TLE4: variants seen among roughly 807,000 people sequenced by gnomAD.
TLE4 encodes the protein TLE family member 4, transcriptional corepressor.
Under a neutral mutation model 92.8 loss-of-function variants are expected in TLE4, and 8 were observed. The ratio of observed to expected loss-of-function variants is 0.09; its 90% CI spans 0.05 to 0.16. TLE4 has a LOEUF of 0.16. Ranked by LOEUF, TLE4 falls within the 10% of genes least tolerant of loss-of-function variation. TLE4 has a pLI of 1.00. For missense variants in TLE4, 675 were observed against 997.6 expected (o/e 0.68, Z 4.36); for synonymous variants, 371 against 374.1 (o/e 0.99, Z 0.10).
At chr9:79,665,074 A>G (rs1437061737) in intron 8 of TLE4, among the ~76,000 whole-genome samples, 1 of 152,210 alleles carries the variant, frequency 6.6e-6, no homozygotes, top group Non-Finnish European at 1.5e-5. Flanking sequence ...ACTGAAAGGT[A>G]TTTAGGTGGG....
intron 4 of TLE4, among the ~76,000 whole-genome samples, chr9:79,611,152 C>T (rs1375845589): frequency 6.6e-6 from 1 of 152,074 alleles, no homozygotes; most frequent in African/African-American, 2.4e-5. Flanking sequence ...CACCCCATAA[C>T]CACTGTGGTA....
At position 79,648,818 on chromosome 9, in the gene TLE4, A is replaced by G. The variant is rs114772217; in HGVS notation, c.391-3775A>G. 2.7e-3 allele frequency among the ~76,000 whole-genome samples: 413 copies of G among 152,320 alleles called. 2 individuals are homozygous for G. The highest frequency in any genetic ancestry group is 9.5e-3 in the African/African-American group (394 of 41,578). On this transcript the variant is annotated intron_variant, in intron 6 of 19. Transcript: ENST00000376552. Reference sequence around the variant, plus strand: ...TGTCACACATTTTCATTTCCAGGTAATGCTGGACTTCCAAGTACAATTGTC... The same window carrying G: ...TGTCACACATTTTCATTTCCAGGTAGTGCTGGACTTCCAAGTACAATTGTC...
chr9:79,649,948 C>G, intron 6 of TLE4: 2 of 1,189,744 alleles, frequency 1.7e-6, no homozygotes, highest in Non-Finnish European at 2.2e-6. Flanking sequence ...CAGGGTTTCA[C>G]TCTGTCACAC....
In TLE4 at chr9:79,630,206, T is replaced by C. The variant is rs1587537756; in HGVS notation, c.390+2758T>C. Among the ~76,000 whole-genome samples the C allele has an allele frequency of 3.3e-5, 5 of 152,308 alleles. No individual in the cohort carries two copies. In the East Asian group the frequency reaches 9.7e-4, roughly 29 times the overall value. Reference sequence around the variant, plus strand: ...GAAGCACCTTTTTAACTCTGCAATATTATTCTACCTTCATTGGTAAATGAG... The same window carrying C: ...GAAGCACCTTTTTAACTCTGCAATACTATTCTACCTTCATTGGTAAATGAG... On this transcript the variant is annotated intron_variant, in intron 6 of 19. Coordinates refer to ENST00000376552, the MANE Select transcript of TLE4 (RefSeq NM_007005.6).
intron 6 of TLE4, among the ~76,000 whole-genome samples, chr9:79,633,770 A>G (rs1306348972): frequency 6.6e-6 from 1 of 152,112 alleles, no homozygotes; most frequent in Non-Finnish European, 1.5e-5. Flanking sequence ...AGCATCACCA[A>G]CTTCCGTATA....
intron 4 of TLE4, among the ~76,000 whole-genome samples, chr9:79,606,638 G>T (rs2047058970): frequency 6.6e-6 from 1 of 151,814 alleles, no homozygotes; most frequent in Admixed American, 6.6e-5. Flanking sequence ...CTGGTTTTCT[G>T]TCCTTGTGAT....
intron 8 of TLE4, among the ~76,000 whole-genome samples, chr9:79,674,201 A>G (rs995842563): frequency 1.3e-5 from 2 of 152,174 alleles, no homozygotes; most frequent in African/African-American, 4.8e-5. Context: ...TGCCCCTGCT[A>G]GCTTTATGAC....
intron 14 of TLE4, among the ~76,000 whole-genome samples, chr9:79,713,060 G>T (rs530050972): frequency 6.6e-6 from 1 of 152,158 alleles, no homozygotes; most frequent in Non-Finnish European, 1.5e-5. Flanking sequence ...ACTTAGAACA[G>T]AATTTTCTAT....
intron 8 of TLE4, among the ~76,000 whole-genome samples, chr9:79,673,690 T>C (rs1437519633): frequency 4.6e-5 from 7 of 152,210 alleles, no homozygotes; most frequent in African/African-American, 1.7e-4. Flanking sequence ...TTTTCTTGCA[T>C]TTAACAGAGT....
intron 14 of TLE4, among the ~76,000 whole-genome samples, chr9:79,712,020 T>C (rs2073420965): frequency 6.6e-6 from 1 of 152,154 alleles, no homozygotes; most frequent in Non-Finnish European, 1.5e-5. Flanking sequence ...GCACAATTTC[T>C]TTGTGAGCTT....
At chr9:79,626,319 C>G (rs1390223187) in intron 5 of TLE4, among the ~76,000 whole-genome samples, 2 of 152,168 alleles carry the variant, frequency 1.3e-5, no homozygotes, top group Admixed American at 1.3e-4. Flanking sequence ...GCTTCATACT[C>G]ATCTCAAATA....
chr9:79,617,657 G>T (rs1012231361), intron 5 of TLE4, among the ~76,000 whole-genome samples: 1 of 152,088 alleles, frequency 6.6e-6, no homozygotes, highest in Non-Finnish European at 1.5e-5. Flanking sequence ...TCAGCCACTT[G>T]CTTTCTTTAA....
At chr9:79,724,796 A>G (rs2076187800) in intron 19 of TLE4, among the ~76,000 whole-genome samples, 1 of 138,196 alleles carries the variant, frequency 7.2e-6, no homozygotes. Flanking sequence ...ACAGTGAGCC[A>G]TGGTCACACC....
chr9:79,624,711 A>G (rs1018890942), intron 5 of TLE4, among the ~76,000 whole-genome samples: 1 of 152,226 alleles, frequency 6.6e-6, no homozygotes. Context: ...CTGCTGCCTA[A>G]GGCATCTTTG....
intron 8 of TLE4, among the ~76,000 whole-genome samples, chr9:79,703,289 C>T (rs977988082): frequency 6.6e-6 from 1 of 152,100 alleles, no homozygotes; most frequent in Non-Finnish European, 1.5e-5. Flanking sequence ...ACTTGGGAGC[C>T]CTGCCCTGGT....
At chr9:79,697,133 A>G (rs1174767737) in intron 8 of TLE4, among the ~76,000 whole-genome samples, 2 of 152,348 alleles carry the variant, frequency 1.3e-5, no homozygotes, top group East Asian at 1.9e-4. Flanking sequence ...TAGAATTTGT[A>G]TTAAGGAGAG....
intron 8 of TLE4, among the ~76,000 whole-genome samples, chr9:79,656,534 T>G (rs1030744250): frequency 6.6e-6 from 1 of 152,186 alleles, no homozygotes; most frequent in Non-Finnish European, 1.5e-5. Context: ...CAAATTTAAA[T>G]TAATGGTGCC....
At chr9:79,709,756 C>T in intron 14 of TLE4, 57 bp downstream of exon 14, 5 of 1,490,968 alleles carry the variant, frequency 3.4e-6, no homozygotes, top group Non-Finnish European at 4.7e-6. Flanking sequence ...CCCTTGCTGG[C>T]CCCGTAGACT....
intron 8 of TLE4, among the ~76,000 whole-genome samples, chr9:79,680,776 CTT>C (rs1564867399): frequency 1.3e-5 from 2 of 152,080 alleles, no homozygotes. Flanking sequence ...TCATAGATAG[CTT>C]TTATTATTTT....
Sources: gnomAD v4.1 joint callset for allele counts (sites outside exome capture counted in the v4.1 genomes callset) on GRCh38, gnomAD v4.1.1 for gene constraint, MANE v1.5 for transcripts, NCBI Gene and HGNC (gene_info 2026-07-23, HGNC 2026-07-21) for gene names.